Variants in SLC22A8 observed in about 807,000 individuals in gnomAD.
The protein encoded by SLC22A8 is solute carrier family 22 member 8.
SLC22A8 carries 40 observed loss-of-function variants against 48.4 expected under a neutral mutation model. The ratio of observed to expected loss-of-function variants is 0.83; its 90% CI spans 0.64 to 1.08. SLC22A8 has a LOEUF of 1.08. Ranked by LOEUF, SLC22A8 falls within the 50% of genes least tolerant of loss-of-function variation. The pLI, the probability that SLC22A8 is intolerant of heterozygous loss-of-function variation, is 0.00. For synonymous variants in SLC22A8, 268 were observed against 286.3 expected (o/e 0.94, Z 0.65); for missense variants, 606 against 699.0 (o/e 0.87, Z 1.50).
chr11:62,994,399 A>C, intron 8 of SLC22A8, 143 bp downstream of exon 8: 1 of 646,294 alleles, frequency 1.5e-6, no homozygotes, highest in Non-Finnish European at 2.7e-6. Context: ...GTTATTTTCT[A>C]GAAGAGAGAC....
chr11:62,998,912 G>C lies in SLC22A8; in HGVS notation c.761+9C>G. On this transcript the variant is annotated intron_variant, in intron 5 of 10. Transcript: ENST00000336232. The stretch of plus-strand genomic sequence containing the variant: ...TAAGGAAACAGATGAAGAGGAGAGG[G>C]CCACATACCAGGATGATAGGAAGAA... 6.3e-7 allele frequency: 1 copy of C among 1,597,988 alleles called. No homozygotes were observed. Among genetic ancestry groups the C allele is most frequent in the Non-Finnish European group, 8.6e-7 (1 of 1,167,476 alleles).
chr11:62,994,779 T>A (rs777896937), intron 7 of SLC22A8, 23 bp from the exon 8 acceptor site: 8 of 1,596,896 alleles, frequency 5.0e-6, no homozygotes, highest in South Asian at 2.2e-5. Context: ...GAAGGATTGG[T>A]TAGCACCTGC....
At chr11:62,999,177 G>C in intron 4 of SLC22A8, 88 bp from the exon 5 acceptor site, 3 of 1,165,398 alleles carry the variant, frequency 2.6e-6, no homozygotes, top group Non-Finnish European at 3.8e-6. Flanking sequence ...GCATCCCCAC[G>C]GCTACTGACA....
At position 62,993,555 on chromosome 11, in the gene SLC22A8, C is replaced by T. The variant is rs753634198; in HGVS notation, c.1398G>A (p.Thr466=). Residue 466 remains threonine, a synonymous_variant, in exon 10 of 11, where the codon ACG becomes ACA. Transcript: ENST00000336232. The part of the protein sequence containing the change: ...GSMVSPLVKI[T]GEVQPFIPNI... Reference sequence around the variant, plus strand: ...TGGGGATGAAGGGCTGTACCTCACCCGTGATTTTCACCAGCGGGGACACCA... The same window carrying T: ...TGGGGATGAAGGGCTGTACCTCACCTGTGATTTTCACCAGCGGGGACACCA... 1.1e-5 allele frequency: 18 copies of T among 1,613,920 alleles called. No homozygotes were observed. Among genetic ancestry groups the T allele is most frequent in the African/African-American group, 9.3e-5 (7 of 74,914 alleles).
intron 3 of SLC22A8, among the ~76,000 whole-genome samples, chr11:63,000,453 C>T (rs111674923): frequency 0.017 from 2,550 of 146,872 alleles, 66 homozygotes; most frequent in African/African-American, 0.062. Flanking sequence ...CATCGCACTC[C>T]AGCCTGGGCA....
rs1590687092 is a variant in SLC22A8, at chr11:62,994,253, G to A, written c.1216+289C>T. On this transcript the variant is annotated intron_variant, in intron 8 of 10. Coordinates refer to ENST00000336232, the MANE Select transcript of SLC22A8 (RefSeq NM_004254.4). Reference sequence around the variant, plus strand: ...TGAGCTCTGTCGTTTTACCATCTCAGCTTATCTCTACAGTGATGTCACTCA... The same window carrying A: ...TGAGCTCTGTCGTTTTACCATCTCAACTTATCTCTACAGTGATGTCACTCA... The A allele has an allele frequency of 3.4e-5, 18 of 534,220 alleles. 1 individual carries two copies. The East Asian group carries it at 5.4e-4, about 16-fold the overall frequency. The allele number at this position is 534,220 out of a possible 1,614,324, so 33.1% of individuals were successfully genotyped here.
At chr11:63,001,072 C>A (rs1331434804) in intron 2 of SLC22A8, 1 of 471,430 alleles carries the variant, frequency 2.1e-6, no homozygotes, top group African/African-American at 2.0e-5. Flanking sequence ...CACTCAGCTA[C>A]CACATCCAGG....
At chr11:62,996,226 C>G in intron 5 of SLC22A8, 74 bp from the exon 6 acceptor site, 1 of 1,456,936 alleles carries the variant, frequency 6.9e-7, no homozygotes, top group South Asian at 1.3e-5. Context: ...AGAACATCAA[C>G]AGCCAGGGCC....
At chr11:63,014,116 C>T (rs757269985) in intron 2 of SLC22A8, among the ~76,000 whole-genome samples, 12 of 152,188 alleles carry the variant, frequency 7.9e-5, no homozygotes, top group Non-Finnish European at 1.2e-4. Context: ...GACTTTTCCT[C>T]CTTTCCCTCA....
rs368456470 is a variant in SLC22A8 at position 62,995,761 on chromosome 11, C to T, written c.944G>A (p.Ser315Asn). 6.2e-7 allele frequency: 1 copy of T among 1,614,156 alleles called. No individual in the cohort carries two copies. The stretch of plus-strand genomic sequence containing the variant: ...CAGCATGGGTATCCGGAACAGGTCA[C>T]TTGCGGTGTACTTGGCCTTGGCCAA... Reference protein sequence around the residue: ...ISLAKAKYTASDLFRIPMLRR... With the variant: ...ISLAKAKYTANDLFRIPMLRR... The change falls in exon 7 of 11, where the codon AGT becomes AAT. Residue 315 changes from serine to asparagine, a missense_variant. Coordinates refer to ENST00000336232, the MANE Select transcript of SLC22A8 (RefSeq NM_004254.4).
intron 2 of SLC22A8, among the ~76,000 whole-genome samples, chr11:63,003,031 A>G (rs2086516088): frequency 6.6e-6 from 1 of 152,174 alleles, no homozygotes; most frequent in Non-Finnish European, 1.5e-5. Flanking sequence ...ACGCCACTCA[A>G]ATCAGGTGCC....
Position 62,998,956 on chromosome 11 carries a change from C to T in SLC22A8, c.726G>A (p.Val242=). The T allele has an allele frequency of 6.2e-7, 1 of 1,613,520 alleles. No individual in the cohort carries two copies. The highest frequency in any genetic ancestry group is 1.1e-5 in the South Asian group (1 of 91,016). The part of the protein sequence containing the change: ...IPQWRWLQLT[V]SIPFFVFFLS... The stretch of plus-strand genomic sequence containing the variant: ...GGAAGAAGACGAAGAAGGGAATGGA[C>T]ACAGTTAACTGCAGCCAACGCCACT... The change falls in exon 5 of 11, where the codon GTG becomes GTA. Residue 242 remains valine, a synonymous_variant. Coordinates refer to ENST00000336232, the MANE Select transcript of SLC22A8 (RefSeq NM_004254.4).
At chr11:62,994,446 AAC>A in intron 8 of SLC22A8, 94 bp downstream of exon 8, 2 of 895,238 alleles carry the variant, frequency 2.2e-6, no homozygotes, top group South Asian at 3.0e-5. Flanking sequence ...TGCTCAAGGT[AAC>A]ACAGTGACTT....
intron 2 of SLC22A8, among the ~76,000 whole-genome samples, chr11:63,001,982 G>A (rs2086500944): frequency 6.6e-6 from 1 of 151,918 alleles, no homozygotes; most frequent in Non-Finnish European, 1.5e-5. Flanking sequence ...TGACTACAGT[G>A]GCATGATCAT....
At position 62,998,996 on chromosome 11, in the gene SLC22A8, G is replaced by C; in HGVS notation, c.686C>G (p.Ala229Gly). The change falls in exon 5 of 11, where the codon GCC (alanine) becomes GGC (glycine). Residue 229 changes from alanine (A) to glycine (G), a missense_variant. Coordinates refer to ENST00000336232, the MANE Select transcript of SLC22A8 (RefSeq NM_004254.4). ...TFGQFILPGL[A>G]YAIPQWRWLQ... ...CCAACGCCACTGGGGGATGGCGTAG[G>C]CCAGGCCGGGCAGAATGAACTGGCC... The C allele has an allele frequency of 6.2e-7, 1 of 1,614,202 alleles. No homozygotes were observed.
At chr11:63,004,419 G>A (rs551518665) in intron 2 of SLC22A8, among the ~76,000 whole-genome samples, 3 of 152,148 alleles carry the variant, frequency 2.0e-5, no homozygotes, top group Admixed American at 6.5e-5. Context: ...TGAATTGTTC[G>A]CCTTGCTGCT....
chr11:63,005,029 G>A (rs542562042), intron 2 of SLC22A8, among the ~76,000 whole-genome samples: 1 of 152,290 alleles, frequency 6.6e-6, no homozygotes, highest in Non-Finnish European at 1.5e-5. Flanking sequence ...TTTCTTCACA[G>A]TCAGACTGGG....
rs765180492 is a variant in SLC22A8, at chr11:62,993,570, C to T, written c.1383G>A (p.Pro461=). ...LWTRVGSMVS[P]LVKITGEVQP... is the part of the protein sequence containing the mutation. ...GTACCTCACCCGTGATTTTCACCAG[C>T]GGGGACACCATGCTTCCCACGCGGG... The change falls in exon 10 of 11, where the codon CCG becomes CCA. Residue 461 remains proline (P), a synonymous_variant. Coordinates refer to ENST00000336232, the MANE Select transcript of SLC22A8 (RefSeq NM_004254.4). 43 of 1,613,772 alleles carry T rather than the reference C, an allele frequency of 2.7e-5. No individual in the cohort carries two copies. The highest frequency in any genetic ancestry group is 1.2e-4 in the African/African-American group (9 of 75,050).
chr11:62,998,243 T>G (rs2086446911), intron 5 of SLC22A8, among the ~76,000 whole-genome samples: 1 of 150,416 alleles, frequency 6.6e-6, no homozygotes. Flanking sequence ...TGAGCCACCG[T>G]GCCCGGCCAG....
Sources: gnomAD v4.1 joint callset for allele counts (sites outside exome capture counted in the v4.1 genomes callset) on GRCh38, gnomAD v4.1.1 for gene constraint, MANE v1.5 for transcripts, NCBI Gene and HGNC (gene_info 2026-07-23, HGNC 2026-07-21) for gene names.